Variants in CFAP410 observed in about 807,000 individuals in gnomAD.
CFAP410 encodes the protein cilia- and flagella-associated protein 410.
Under a neutral mutation model 25.7 loss-of-function variants are expected in CFAP410, and 27 were observed. The observed-to-expected ratio is 1.05, with a 90% CI of 0.77 to 1.45. The LOEUF is 1.45. Ranked by LOEUF, CFAP410 falls within the 40% of genes most tolerant of loss-of-function variation. The pLI, the probability that CFAP410 is intolerant of heterozygous loss-of-function variation, is 0.00. For synonymous variants in CFAP410, 178 were observed against 158.4 expected, an observed-to-expected ratio of 1.12 and a Z score of -0.93; for missense variants, 428 against 354.1, an observed-to-expected ratio of 1.21 and a Z score of -1.67.
At chr21:44,333,987 TC>T (rs1450259735) in intron 3 of CFAP410, 5 of 404,972 alleles carry the variant, frequency 1.2e-5, no homozygotes, top group Non-Finnish European at 2.5e-5. Flanking sequence ...TGAGCCCCCC[TC>T]CCCATGCCAT....
chr21:44,332,029 A>G lies in CFAP410; in HGVS notation c.374-15T>C, dbSNP rs1363835820. On this transcript the variant is annotated splice_polypyrimidine_tract_variant and intron_variant, in intron 4 of 6. Coordinates refer to ENST00000339818, the MANE Select transcript of CFAP410 (RefSeq NM_004928.3). ...CTCCGTCACAGCTTTGGGATGAAAG[A>G]CAGAAGACAGCATGAGTGGCCTCAC... 4.4e-6 allele frequency: 7 copies of G among 1,585,278 alleles called. No homozygotes were observed. The highest frequency in any genetic ancestry group is 6.0e-6 in the Non-Finnish European group (7 of 1,163,698).
intron 4 of CFAP410, chr21:44,332,289 A>C: frequency 4.9e-6 from 2 of 407,266 alleles, no homozygotes; most frequent in Admixed American, 4.5e-5. Context: ...CAAAACCTCA[A>C]CTAAGACACA....
intron 4 of CFAP410, 118 bp from the exon 5 acceptor site, chr21:44,332,132 C>G: frequency 1.3e-6 from 1 of 782,946 alleles, no homozygotes; most frequent in Non-Finnish European, 2.0e-6. Context: ...AATGCATGCA[C>G]GTGTATCCAC....
chr21:44,336,467 A>T (rs935254574), intron 2 of CFAP410, among the ~76,000 whole-genome samples: 3 of 152,128 alleles, frequency 2.0e-5, no homozygotes, highest in African/African-American at 4.8e-5. Context: ...TTGAGACTGG[A>T]TCTCAGATCA....
chr21:44,339,095 G>C, intron 1 of CFAP410, 23 bp downstream of exon 1: 1 of 1,379,442 alleles, frequency 7.2e-7, no homozygotes, highest in African/African-American at 1.5e-5. Flanking sequence ...CCCCGGGGCG[G>C]CCGCGGCCAG....
intron 6 of CFAP410, 159 bp downstream of exon 6, chr21:44,330,664 C>T (rs1168081645): frequency 1.9e-6 from 3 of 1,548,476 alleles, no homozygotes; most frequent in Non-Finnish European, 1.7e-6. Context: ...CAGACCCGCA[C>T]ACGCAGCTCC....
rs753371737 is a variant in CFAP410, at chr21:44,334,524, C to CCG, written c.143+1233_143+1234insCG. ...CTCTGGGCGGGCACGCGCACCCCCC[C>CCG]CCCCCCCCCGCTCAACCTCTGGGCG... is the stretch of plus-strand genomic sequence containing the variant. On this transcript the variant is annotated intron_variant, in intron 3 of 6. Transcript: ENST00000339818. The CCG allele has an allele frequency of 9.7e-5, 3 of 30,844 alleles. 1 individual carries two copies. Among genetic ancestry groups the CCG allele is most frequent in the African/African-American group, 4.1e-4 (3 of 7,266 alleles). The allele number at this position is 30,844 out of a possible 1,614,324, so 1.9% of individuals were successfully genotyped here.
chr21:44,339,181 C>T lies in CFAP410; in HGVS notation c.14G>A (p.Arg5Gln). 8.2e-6 allele frequency: 12 copies of T among 1,468,502 alleles called. No homozygotes were observed. The highest frequency in any genetic ancestry group is 2.7e-5 in the South Asian group (2 of 75,446). 91.0% of individuals were successfully genotyped at this position (1,468,502 alleles called of 1,614,324 possible). A position where few individuals can be genotyped will look rare whatever the true frequency, so the allele number is the denominator to read the frequency against. The change falls in exon 1 of 7, where the codon CGG (arginine) becomes CAG (glutamine). Residue 5 changes from arginine to glutamine, a missense_variant. Transcript: ENST00000339818. ...CTTGGCCCGGGTCAGAACCATCTTC[C>T]GCGTCAGCTTCATGGCGGCCGCCCA... MKLT[R>Q]KMVLTRAKAS...
chr21:44,334,521 C>CCCCTCAACCTCTGGGCGGGCACGCG lies in CFAP410; in HGVS notation c.143+1236_143+1237insCGCGTGCCCGCCCAGAGGTTGAGGG. On this transcript the variant is annotated intron_variant, in intron 3 of 6. Coordinates refer to ENST00000339818, the MANE Select transcript of CFAP410 (RefSeq NM_004928.3). ...AACCTCTGGGCGGGCACGCGCACCC[C>CCCCTCAACCTCTGGGCGGGCACGCG]CCCCCCCCCCCCGCTCAACCTCTGG... The CCCCTCAACCTCTGGGCGGGCACGCG allele has an allele frequency of 5.7e-5, 10 of 174,468 alleles. 3 individuals carry two copies. The highest frequency in any genetic ancestry group is 5.4e-4 in the East Asian group (2 of 3,688). The allele number at this position is 174,468 out of a possible 1,614,324, so 10.8% of individuals were successfully genotyped here. A position where few individuals can be genotyped will look rare whatever the true frequency, so the allele number is the denominator to read the frequency against.
chr21:44,337,619 C>T, intron 2 of CFAP410, 30 bp downstream of exon 2: 2 of 1,605,564 alleles, frequency 1.2e-6, no homozygotes, highest in Middle Eastern at 1.7e-4. Flanking sequence ...ATGATCAGTG[C>T]AATACTTACA....
At chr21:44,338,278 G>T in intron 1 of CFAP410, 1 of 1,286,098 alleles carries the variant, frequency 7.8e-7, no homozygotes, top group Admixed American at 2.3e-5. Context: ...GTCTGCTCTC[G>T]CTGACCCCCA....
intron 1 of CFAP410, chr21:44,338,386 C>G (rs764585362): frequency 2.4e-5 from 26 of 1,103,282 alleles, no homozygotes; most frequent in Middle Eastern, 4.6e-4. Flanking sequence ...TCCAGGCTCC[C>G]TCTTCTGGAA....
In CFAP410 at chr21:44,334,522, C is replaced by CCCTCAACCTCTGGGCGGGCACGCGCACCA; in HGVS notation, c.143+1235_143+1236insTGGTGCGCGTGCCCGCCCAGAGGTTGAGG. The stretch of plus-strand genomic sequence containing the variant: ...ACCTCTGGGCGGGCACGCGCACCCC[C>CCCTCAACCTCTGGGCGGGCACGCGCACCA]CCCCCCCCCCCGCTCAACCTCTGGG... On this transcript the variant is annotated intron_variant, in intron 3 of 6. Coordinates refer to ENST00000339818, the MANE Select transcript of CFAP410 (RefSeq NM_004928.3). The CCCTCAACCTCTGGGCGGGCACGCGCACCA allele has an allele frequency of 1.6e-5, 3 of 190,854 alleles. 1 individual carries two copies. The highest frequency in any genetic ancestry group is 9.8e-6 in the Non-Finnish European group (1 of 102,106). The allele number at this position is 190,854 out of a possible 1,614,324, so 11.8% of individuals were successfully genotyped here.
At position 44,330,155 on chromosome 21, in the gene CFAP410, C is replaced by G; in HGVS notation, c.*43G>C. The G allele has an allele frequency of 6.5e-7, 1 of 1,538,274 alleles. No individual in the cohort carries two copies. Among genetic ancestry groups the G allele is most frequent in the Non-Finnish European group, 8.7e-7 (1 of 1,147,640 alleles). The stretch of plus-strand genomic sequence containing the variant: ...CAGCTCCCGGGGGCTGGGGAAGACG[C>G]TGGGGTCCCCGTGGAGGCTGGAGCG... On this transcript the variant is annotated 3_prime_UTR_variant, in exon 7 of 7. Coordinates refer to ENST00000339818, the MANE Select transcript of CFAP410 (RefSeq NM_004928.3).
chr21:44,331,153 G>T, intron 5 of CFAP410: 1 of 578,842 alleles, frequency 1.7e-6, no homozygotes, highest in East Asian at 2.8e-5. Flanking sequence ...GCACCCTGGG[G>T]CTCCCCAGCT....
In CFAP410 at chr21:44,330,881, G is replaced by A; in HGVS notation, c.584C>T (p.Ser195Phe). 2 of 1,603,872 alleles carry A rather than the reference G, an allele frequency of 1.2e-6. No individual in the cohort carries two copies. The highest frequency in any genetic ancestry group is 1.7e-6 in the Non-Finnish European group (2 of 1,173,756). Residue 195 changes from serine (S) to phenylalanine (F), a missense_variant, in exon 6 of 7, where the codon TCC becomes TTC. Transcript: ENST00000339818. ...AQDERGLKPP[S>F]RGQFPSLSAR... The stretch of plus-strand genomic sequence containing the variant: ...TGAGAGGGAAGGAAACTGGCCCCGG[G>A]AAGGCGGCTTCAGGCCACGTTCATC...
intron 3 of CFAP410, chr21:44,333,784 A>C (rs978421282): frequency 9.2e-6 from 3 of 326,166 alleles, no homozygotes; most frequent in African/African-American, 6.5e-5. Flanking sequence ...GAGAAACAGC[A>C]GGCCTGGAGC....
chr21:44,337,430 G>A (rs763288545), intron 2 of CFAP410, among the ~76,000 whole-genome samples: 2 of 152,334 alleles, frequency 1.3e-5, no homozygotes, highest in East Asian at 1.9e-4. Flanking sequence ...GGATGTTGAC[G>A]GGAACTGCAA....
chr21:44,332,615 C>T (rs926453927), intron 4 of CFAP410: 18 of 186,594 alleles, frequency 9.6e-5, no homozygotes, highest in African/African-American at 4.2e-4. Flanking sequence ...GGCACCGCCA[C>T]CCTAGGTTCA....
Sources: gnomAD v4.1 joint callset for allele counts (sites outside exome capture counted in the v4.1 genomes callset) on GRCh38, gnomAD v4.1.1 for gene constraint, MANE v1.5 for transcripts, NCBI Gene and HGNC (gene_info 2026-07-23, HGNC 2026-07-21) for gene names.